The following NUF2 variants were observed in gnomAD, a reference collection of about 807,000 sequenced individuals.
The protein encoded by NUF2 is kinetochore protein Nuf2.
In NUF2, 34 loss-of-function variants were observed where a neutral mutation model predicts 61.8. The observed-to-expected ratio is 0.55, with a 90% CI of 0.42 to 0.73. The LOEUF (loss-of-function observed/expected upper bound fraction) is 0.73, where lower values mean the gene tolerates loss of function less well. Ranked by LOEUF, NUF2 falls within the 30% of genes least tolerant of loss-of-function variation. The pLI is 0.00. For synonymous variants in NUF2, 172 were observed against 181.6 expected, an observed-to-expected ratio of 0.95 and a Z score of 0.42; for missense variants, 445 against 539.1, an observed-to-expected ratio of 0.83 and a Z score of 1.73.
intron 7 of NUF2, 62 bp from the exon 8 acceptor site, chr1:163,339,319 G>C (rs147513326): frequency 1.1e-6 from 1 of 915,302 alleles, no homozygotes; most frequent in South Asian, 1.5e-5. Context: ...TTGAGGACAG[G>C]TATTTCATTT....
intron 11 of NUF2, among the ~76,000 whole-genome samples, 184 bp from the exon 12 acceptor site, chr1:163,347,579 C>T (rs1273110713): frequency 6.6e-6 from 1 of 152,218 alleles, no homozygotes; most frequent in African/African-American, 2.4e-5. Flanking sequence ...CTCAGTATCT[C>T]TGATGCCTCC....
intron 4 of NUF2, 108 bp downstream of exon 4, chr1:163,328,412 T>C (rs1650496711): frequency 1.6e-6 from 1 of 637,702 alleles, no homozygotes; most frequent in Non-Finnish European, 2.6e-6. Context: ...CTATGTTCCT[T>C]TTCATTTCAT....
intron 9 of NUF2, 107 bp from the exon 10 acceptor site, chr1:163,343,626 C>A: frequency 2.2e-6 from 1 of 458,794 alleles, no homozygotes. Flanking sequence ...TTTAATTTTA[C>A]CCTCATTACA....
At chr1:163,339,344 T>C in intron 7 of NUF2, 37 bp from the exon 8 acceptor site, 1 of 1,266,030 alleles carries the variant, frequency 7.9e-7, no homozygotes. Context: ...CTTTCAAAAG[T>C]GAAGAGCAGT....
chr1:163,346,153 C>T (rs1373907577), intron 11 of NUF2: 1 of 157,174 alleles, frequency 6.4e-6, no homozygotes, highest in Admixed American at 6.3e-5. Context: ...TAGTAACAAA[C>T]CTTATATATA....
chr1:163,328,185 C>A, intron 3 of NUF2, 43 bp from the exon 4 acceptor site: 1 of 1,275,460 alleles, frequency 7.8e-7, no homozygotes, highest in South Asian at 1.3e-5. Flanking sequence ...CTCATTTTGT[C>A]TAATCAATGT....
rs1651460585 is a variant in NUF2, at chr1:163,355,578, C to T, written c.*109C>T. On this transcript the variant is annotated 3_prime_UTR_variant, in exon 14 of 14. Coordinates refer to ENST00000271452, the MANE Select transcript of NUF2 (RefSeq NM_145697.3). ...TATCAGAAGTACCAAATAATGTTGG[C>T]TTCATCAGTTTTTATACACTCTCAT... 2 of 914,950 alleles carry T rather than the reference C, an allele frequency of 2.2e-6. No homozygotes were observed. Among genetic ancestry groups the T allele is most frequent in the Non-Finnish European group, 3.2e-6 (2 of 625,830 alleles). 56.7% of individuals were successfully genotyped at this position (914,950 alleles called of 1,614,324 possible).
intron 5 of NUF2, among the ~76,000 whole-genome samples, chr1:163,335,175 A>G (rs1463959973): frequency 6.6e-6 from 1 of 152,038 alleles, no homozygotes; most frequent in Non-Finnish European, 1.5e-5. Context: ...GATGGTCTCA[A>G]TCTCTTGACC....
intron 1 of NUF2, among the ~76,000 whole-genome samples, chr1:163,324,527 G>T (rs1462116523): frequency 1.3e-5 from 2 of 152,110 alleles, no homozygotes; most frequent in East Asian, 1.9e-4. Flanking sequence ...AAAATTAGGA[G>T]CCTAAAGAAA....
chr1:163,347,639 T>G (rs992822100), intron 11 of NUF2, 124 bp from the exon 12 acceptor site: 76 of 697,770 alleles, frequency 1.1e-4, no homozygotes, highest in Non-Finnish European at 1.5e-4. Context: ...CTTTCAGGTT[T>G]TAAAGAGTTT....
intron 1 of NUF2, among the ~76,000 whole-genome samples, chr1:163,324,476 C>G (rs925230672): frequency 6.6e-6 from 1 of 150,538 alleles, no homozygotes; most frequent in Non-Finnish European, 1.5e-5. Context: ...AGAGGTTAGG[C>G]AAGTTGCCAA....
At chr1:163,342,970 C>T (rs1391775082) in intron 9 of NUF2, among the ~76,000 whole-genome samples, 1 of 152,110 alleles carries the variant, frequency 6.6e-6, no homozygotes, top group Non-Finnish European at 1.5e-5. Flanking sequence ...AGAGGGTCCC[C>T]AAACAATGTA....
intron 9 of NUF2, among the ~76,000 whole-genome samples, chr1:163,341,149 G>C (rs1363419134): frequency 2.6e-5 from 4 of 151,788 alleles, no homozygotes; most frequent in African/African-American, 9.7e-5. Flanking sequence ...ATGTTTTCAG[G>C]CTTTTAAAAT....
intron 13 of NUF2, among the ~76,000 whole-genome samples, 195 bp from the exon 14 acceptor site, chr1:163,355,140 T>TG (rs1328657024): frequency 3.0e-4 from 1 of 3,350 alleles, no homozygotes; most frequent in Non-Finnish European, 5.6e-3. Context: ...AGTAGCAAAC[T>TG]TTTTGATGTG....
rs1650779544 is a variant in NUF2, at chr1:163,336,952, T to C, written c.435+104T>C. 4 of 718,160 alleles carry C rather than the reference T, an allele frequency of 5.6e-6. No homozygotes were observed. The East Asian group carries it at 1.1e-4, about 19-fold the overall frequency. The allele number at this position is 718,160 out of a possible 1,614,324, so 44.5% of individuals were successfully genotyped here. On this transcript the variant is annotated intron_variant, in intron 6 of 13. Coordinates refer to ENST00000271452, the MANE Select transcript of NUF2 (RefSeq NM_145697.3). The stretch of plus-strand genomic sequence containing the variant: ...TTGTCATAGACAGCAAATTGCTGTA[T>C]TGCCTTTAGAATTGAACTCATTTTT...
chr1:163,325,874 A>G (rs958933300), intron 1 of NUF2, among the ~76,000 whole-genome samples, 158 bp from the exon 2 acceptor site: 6 of 152,238 alleles, frequency 3.9e-5, no homozygotes, highest in African/African-American at 9.6e-5. Flanking sequence ...TAGGATACAT[A>G]TATAAATACT....
intron 5 of NUF2, among the ~76,000 whole-genome samples, chr1:163,332,955 G>A (rs1186426045): frequency 6.6e-6 from 1 of 152,174 alleles, no homozygotes; most frequent in African/African-American, 2.4e-5. Flanking sequence ...TTGATGAGTG[G>A]AGTGTTTTAA....
At chr1:163,327,242 G>A (rs1245969546) in intron 2 of NUF2, among the ~76,000 whole-genome samples, 5 of 151,924 alleles carry the variant, frequency 3.3e-5, no homozygotes, top group African/African-American at 9.7e-5. Flanking sequence ...TGCTTGGATT[G>A]GATTTGGGTA....
At chr1:163,345,597 T>G in intron 10 of NUF2, 81 bp from the exon 11 acceptor site, 1 of 1,295,656 alleles carries the variant, frequency 7.7e-7, no homozygotes, top group Admixed American at 2.3e-5. Context: ...TGGAAATTAT[T>G]TAAGAGCAAA....
Sources: gnomAD v4.1 joint callset for allele counts (sites outside exome capture counted in the v4.1 genomes callset) on GRCh38, gnomAD v4.1.1 for gene constraint, MANE v1.5 for transcripts, NCBI Gene and HGNC (gene_info 2026-07-23, HGNC 2026-07-21) for gene names.